The following STAB2 variants were observed in gnomAD, a reference collection of about 807,000 sequenced individuals.
The protein encoded by STAB2 is stabilin 2.
STAB2 carries 288 observed loss-of-function variants against 338.1 expected under a neutral mutation model. The ratio of observed to expected loss-of-function variants is 0.85; its 90% CI spans 0.77 to 0.94. The LOEUF (loss-of-function observed/expected upper bound fraction) is 0.94. Ranked by LOEUF, STAB2 falls within the 40% of genes least tolerant of loss-of-function variation. The pLI is 0.00. For synonymous variants in STAB2, 1,202 were observed against 1,193.3 expected (o/e 1.01, Z -0.15); for missense variants, 3,141 against 3,210.1 (o/e 0.98, Z 0.52).
intron 4 of STAB2, among the ~76,000 whole-genome samples, chr12:103,620,824 G>A (rs1290036835): frequency 6.6e-6 from 1 of 152,234 alleles, no homozygotes; most frequent in East Asian, 1.9e-4. Context: ...GAGGCTGGGA[G>A]CAGTGGCTTA....
intron 9 of STAB2, among the ~76,000 whole-genome samples, chr12:103,642,765 A>G (rs1873020556): frequency 6.6e-6 from 1 of 152,070 alleles, no homozygotes; most frequent in African/African-American, 2.4e-5. Flanking sequence ...CCCCCACTAG[A>G]CCACACTCGG....
chr12:103,717,685 T>C (rs991863345), intron 43 of STAB2, 85 bp from the exon 44 acceptor site: 1 of 1,083,166 alleles, frequency 9.2e-7, no homozygotes, highest in South Asian at 1.3e-5. Context: ...ATGACCATGA[T>C]GGAGTTCAGG....
At position 103,594,407 on chromosome 12, in the gene STAB2, G is replaced by A. The variant is rs773569893; in HGVS notation, c.228G>A (p.Glu76=). ...TTTACCCTCCAAGGTACACCTTTGA[G>A]GTCAGAACATACTCTCTGTCTCTCC... The part of the protein sequence containing the change: ...VGVRDCRYTF[E]VRTYSLSLPG... The change falls in exon 3 of 69, where the codon GAG becomes GAA. Residue 76 remains glutamate (E), a synonymous_variant. Transcript: ENST00000388887. The A allele has an allele frequency of 1.4e-5, 22 of 1,613,634 alleles. No homozygotes were observed. Among genetic ancestry groups the A allele is most frequent in the Middle Eastern group, 3.3e-4 (2 of 6,080 alleles).
intron 44 of STAB2, among the ~76,000 whole-genome samples, 161 bp downstream of exon 44, chr12:103,718,002 T>C (rs1208779104): frequency 1.3e-5 from 2 of 152,152 alleles, no homozygotes; most frequent in African/African-American, 2.4e-5. Flanking sequence ...CATTGTAATG[T>C]TGGGGAGAAA....
chr12:103,703,931 A>T (rs1879120507), intron 35 of STAB2, among the ~76,000 whole-genome samples: 1 of 152,212 alleles, frequency 6.6e-6, no homozygotes, highest in Non-Finnish European at 1.5e-5. Context: ...GGGAAAAGTG[A>T]GCCAGAGAGG....
chr12:103,753,819 C>G (rs1237795353), intron 61 of STAB2, among the ~76,000 whole-genome samples: 2 of 152,154 alleles, frequency 1.3e-5, no homozygotes, highest in African/African-American at 4.8e-5. Context: ...TACCCACGAG[C>G]CTAGGGTGGA....
rs117639204 is a variant in STAB2 at position 103,719,937 on chromosome 12, T to C, written c.4683+2096T>C. Reference sequence around the variant, plus strand: ...GCCCAATCCCAACACCTTGCTTTCCTGTTTATATTACTTCCCACCTGAGAG... The same window carrying C: ...GCCCAATCCCAACACCTTGCTTTCCCGTTTATATTACTTCCCACCTGAGAG... On this transcript the variant is annotated intron_variant, in intron 44 of 68. Transcript: ENST00000388887. 3.6e-3 allele frequency among the ~76,000 whole-genome samples: 553 copies of C among 152,342 alleles called. 6 individuals are homozygous for C. The highest frequency in any genetic ancestry group is 0.034 in the East Asian group (179 of 5,192).
At chr12:103,732,909 G>A (rs767544338) in intron 50 of STAB2, 97 bp from the exon 51 acceptor site, 347 of 1,451,054 alleles carry the variant, frequency 2.4e-4, no homozygotes, top group African/African-American at 3.1e-4. Context: ...AGTAAGCCAC[G>A]GGCTTGAGCA....
chr12:103,707,996 T>A (rs1222087301), intron 38 of STAB2, among the ~76,000 whole-genome samples: 5 of 152,182 alleles, frequency 3.3e-5, no homozygotes, highest in African/African-American at 9.7e-5. Flanking sequence ...TTTCATCAAG[T>A]TCTCAGAGAC....
chr12:103,750,050 T>A (rs1349303737), intron 59 of STAB2, among the ~76,000 whole-genome samples: 1 of 152,106 alleles, frequency 6.6e-6, no homozygotes, highest in Non-Finnish European at 1.5e-5. Flanking sequence ...ATTTGTAAAG[T>A]GGGCCTCATA....
intron 1 of STAB2, among the ~76,000 whole-genome samples, chr12:103,587,886 T>A (rs1956736840): frequency 6.6e-6 from 1 of 152,212 alleles, no homozygotes; most frequent in Admixed American, 6.5e-5. Context: ...CCATCCCATC[T>A]TCCTGACTAG....
At chr12:103,646,166 C>T (rs1873314590) in intron 9 of STAB2, among the ~76,000 whole-genome samples, 1 of 152,106 alleles carries the variant, frequency 6.6e-6, no homozygotes, top group South Asian at 2.1e-4. Flanking sequence ...AGAGGGAAAA[C>T]TCCAGAAAGA....
chr12:103,706,908 G>A lies in STAB2; in HGVS notation c.4113G>A (p.Val1371=). The change falls in exon 38 of 69, where the codon GTG becomes GTA. Residue 1371 remains valine (V), a synonymous_variant. Coordinates refer to ENST00000388887, the MANE Select transcript of STAB2 (RefSeq NM_017564.10). ...ICLDGVNGTG[V]CECGEGFSGT... ...TGGATGGAGTGAATGGCACAGGTGT[G>A]TGTGAGTGTGGGGAGGGCTTCAGCG... 2 of 1,614,254 alleles carry A rather than the reference G, an allele frequency of 1.2e-6. No homozygotes were observed. The highest frequency in any genetic ancestry group is 1.7e-6 in the Non-Finnish European group (2 of 1,180,042).
chr12:103,660,173 C>T (rs1465970353), intron 15 of STAB2, among the ~76,000 whole-genome samples, 158 bp from the exon 16 acceptor site: 1 of 152,152 alleles, frequency 6.6e-6, no homozygotes, highest in Admixed American at 6.5e-5. Flanking sequence ...ATTTGGTGAA[C>T]GTTAGCTATT....
At chr12:103,664,301 G>A (rs74441827) in intron 18 of STAB2, among the ~76,000 whole-genome samples, 1,757 of 152,144 alleles carry the variant, frequency 0.012, 13 homozygotes, top group Middle Eastern at 0.034. Flanking sequence ...CCTCCACCAC[G>A]CCCGGCTAAT....
Position 103,745,215 on chromosome 12 carries a change from C to A in STAB2, c.6074C>A (p.Thr2025Lys). 6.2e-7 allele frequency: 1 copy of A among 1,614,034 alleles called. No individual in the cohort carries two copies. The highest frequency in any genetic ancestry group is 8.5e-7 in the Non-Finnish European group (1 of 1,179,986). The change falls in exon 57 of 69, where the codon ACG becomes AAG. Residue 2025 changes from threonine to lysine, a missense_variant. Coordinates refer to ENST00000388887, the MANE Select transcript of STAB2 (RefSeq NM_017564.10). ...CACGGACAGTGCGATGATGGCATCA[C>A]GGGCTCCGGGCAGTGCCTCTGTGAA... ...SDHGQCDDGI[T>K]GSGQCLCETG...
At chr12:103,613,317 A>T (rs1957156379) in intron 3 of STAB2, among the ~76,000 whole-genome samples, 1 of 152,098 alleles carries the variant, frequency 6.6e-6, no homozygotes, top group Non-Finnish European at 1.5e-5. Context: ...GGCCTCCTTG[A>T]GCTGCAGTGG....
At chr12:103,617,833 A>T (rs538755292) in intron 3 of STAB2, among the ~76,000 whole-genome samples, 1 of 152,298 alleles carries the variant, frequency 6.6e-6, no homozygotes, top group South Asian at 2.1e-4. Flanking sequence ...TAGATTCTGG[A>T]GCATCTTTCC....
chr12:103,730,901 C>G (rs1881582838), intron 49 of STAB2, among the ~76,000 whole-genome samples: 2 of 152,022 alleles, frequency 1.3e-5, no homozygotes, highest in African/African-American at 4.8e-5. Flanking sequence ...ATACAAAAAA[C>G]TAGCCAGGTG....
Sources: gnomAD v4.1 joint callset for allele counts (sites outside exome capture counted in the v4.1 genomes callset) on GRCh38, gnomAD v4.1.1 for gene constraint, MANE v1.5 for transcripts, NCBI Gene and HGNC (gene_info 2026-07-23, HGNC 2026-07-21) for gene names.